NBEA: variants seen among roughly 807,000 people sequenced by gnomAD.
NBEA encodes the protein lysosomal-trafficking regulator 2.
Under a neutral mutation model 343.4 loss-of-function variants are expected in NBEA, and 44 were observed. That is an observed-to-expected ratio of 0.13 (90% CI 0.10 to 0.16). NBEA has a LOEUF of 0.16. Among genes scored for constraint, NBEA ranks in the 10% least tolerant of loss-of-function variants. NBEA has a pLI of 1.00. For synonymous variants in NBEA, 1,175 were observed against 1,238.7 expected (o/e 0.95, Z 1.08); for missense variants, 2,555 against 3,631.3 (o/e 0.70, Z 7.62).
chr13:35,609,018 G>C (rs2082398052), intron 48 of NBEA, among the ~76,000 whole-genome samples: 1 of 152,014 alleles, frequency 6.6e-6, no homozygotes, highest in Non-Finnish European at 1.5e-5. Context: ...TCTACTTTTA[G>C]GTTTATAATT....
At chr13:35,658,208 C>G (rs1375701339) in intron 55 of NBEA, among the ~76,000 whole-genome samples, 1 of 152,136 alleles carries the variant, frequency 6.6e-6, no homozygotes, top group African/African-American at 2.4e-5. Flanking sequence ...ACAAGATTAT[C>G]TTAAAGATAT....
intron 36 of NBEA, among the ~76,000 whole-genome samples, chr13:35,316,215 C>T (rs991704417): frequency 6.6e-6 from 1 of 152,004 alleles, no homozygotes; most frequent in Non-Finnish European, 1.5e-5. Flanking sequence ...CCCATCTACC[C>T]GTCATCCACA....
rs1304730085 is a variant in NBEA at position 35,070,062 on chromosome 13, A to G, written c.1394A>G (p.Asn465Ser). The G allele has an allele frequency of 6.2e-7, 1 of 1,601,226 alleles. No homozygotes were observed. Among genetic ancestry groups the G allele is most frequent in the Non-Finnish European group, 8.5e-7 (1 of 1,173,964 alleles). ...TGCCTGGAATCATCACCAAAAGAGA[A>G]TGCATCAATTTTTGTGCATTCCCCA... The part of the protein sequence containing the change: ...QLCLESSPKE[N>S]ASIFVHSPHA... Residue 465 changes from asparagine (N) to serine (S), a missense_variant, in exon 9 of 59, where the codon AAT (asparagine) becomes AGT (serine). Coordinates refer to ENST00000379939, the MANE Select transcript of NBEA (RefSeq NM_001385012.1).
At chr13:35,652,735 C>T (rs1290042949) in intron 53 of NBEA, among the ~76,000 whole-genome samples, 1 of 112,448 alleles carries the variant, frequency 8.9e-6, no homozygotes, top group African/African-American at 3.3e-5. Flanking sequence ...CGCTCTGTCG[C>T]CCAGGCTGGA....
chr13:35,263,400 A>G (rs2033382812), intron 34 of NBEA, among the ~76,000 whole-genome samples: 1 of 152,188 alleles, frequency 6.6e-6, no homozygotes. Flanking sequence ...ATAAGGAAAC[A>G]TTGGACTTAA....
chr13:35,474,299 G>T (rs1451600831), intron 41 of NBEA: 1 of 152,460 alleles, frequency 6.6e-6, no homozygotes, highest in Non-Finnish European at 1.5e-5. Flanking sequence ...TATTTCAAGT[G>T]CATTTTTCAA....
intron 53 of NBEA, among the ~76,000 whole-genome samples, chr13:35,652,500 G>C (rs2084581085): frequency 6.6e-6 from 1 of 150,550 alleles, no homozygotes; most frequent in Admixed American, 6.6e-5. Flanking sequence ...AATTAGCCAG[G>C]CGCGGTGGCG....
chr13:35,005,846 A>T lies in NBEA; in HGVS notation c.295-35087A>T, dbSNP rs1411979289. On this transcript the variant is annotated intron_variant, in intron 1 of 58. Transcript: ENST00000379939. ...TTTATACTTCCAGATATGTGTATGC[A>T]TAATTATTTTAGGCTTCCCTTTTTT... Among the ~76,000 whole-genome samples, 4 of 152,204 alleles carry T rather than the reference A, an allele frequency of 2.6e-5. No homozygotes were observed. The East Asian group carries it at 7.7e-4, about 29-fold the overall frequency.
chr13:35,329,622 A>T (rs1417711247), intron 36 of NBEA, among the ~76,000 whole-genome samples: 2 of 152,048 alleles, frequency 1.3e-5, no homozygotes, highest in African/African-American at 4.8e-5. Flanking sequence ...CATTTATGTG[A>T]CATTCTATAA....
intron 38 of NBEA, among the ~76,000 whole-genome samples, chr13:35,406,963 CTTT>C (rs551559932): frequency 2.9e-5 from 4 of 136,734 alleles, no homozygotes; most frequent in Non-Finnish European, 3.2e-5. Context: ...TTTCTTTGCT[CTTT>C]TTTTTTTTTT....
intron 45 of NBEA, among the ~76,000 whole-genome samples, chr13:35,581,339 T>G (rs1332530164): frequency 1.3e-5 from 2 of 152,092 alleles, no homozygotes; most frequent in Admixed American, 1.3e-4. Context: ...TGGTATCTCA[T>G]TGCGGTTTTG....
intron 13 of NBEA, among the ~76,000 whole-genome samples, chr13:35,113,461 GTTTTA>G (rs981267374): frequency 9.9e-5 from 15 of 152,038 alleles, no homozygotes; most frequent in African/African-American, 3.1e-4. Context: ...TCACCTACTT[GTTTTA>G]GTTTGTTGAT....
rs1307904651 is a variant in NBEA, at chr13:35,316,697, G to A, written c.5903+7105G>A. The stretch of plus-strand genomic sequence containing the variant: ...AGGAATTGCCACACTGTCTTCCACA[G>A]TGGTCAAACTAATTTACACTCCCAC... On this transcript the variant is annotated intron_variant, in intron 36 of 58. Coordinates refer to ENST00000379939, the MANE Select transcript of NBEA (RefSeq NM_001385012.1). Among the ~76,000 whole-genome samples the A allele has an allele frequency of 2.6e-5, 4 of 152,070 alleles. No homozygotes were observed. The East Asian group carries it at 7.7e-4, about 29-fold the overall frequency.
chr13:34,986,286 T>G (rs2060543392), intron 1 of NBEA, among the ~76,000 whole-genome samples: 1 of 151,006 alleles, frequency 6.6e-6, no homozygotes, highest in Non-Finnish European at 1.5e-5. Flanking sequence ...CTTCATTTCA[T>G]TTTGTATCCA....
At chr13:35,021,752 A>G (rs903173455) in intron 1 of NBEA, among the ~76,000 whole-genome samples, 1 of 151,574 alleles carries the variant, frequency 6.6e-6, no homozygotes, top group Non-Finnish European at 1.5e-5. Flanking sequence ...GTACACATAT[A>G]TTTCTCCCGC....
At chr13:35,165,109 T>A (rs763440638) in intron 24 of NBEA, 3 of 533,982 alleles carry the variant, frequency 5.6e-6, no homozygotes, top group Non-Finnish European at 7.7e-6. Context: ...TGTTGCCGTA[T>A]TAGAAACTCA....
chr13:35,159,403 C>T lies in NBEA; in HGVS notation c.3232C>T (p.Pro1078Ser). The change falls in exon 22 of 59, where the codon CCG (proline) becomes TCG (serine). Residue 1078 changes from proline (P) to serine (S), a missense_variant. Pro to Ser is a moderately conservative substitution (Grantham distance 74, BLOSUM62 -1). This residue lies in a region of NBEA where 367 missense variants were observed against 377.5 expected (regional missense o/e 0.97). Coordinates refer to ENST00000379939, the MANE Select transcript of NBEA (RefSeq NM_001385012.1). ...AAAGCTCGATGATATGGATTTATCA[C>T]CGGAGACTTTAGTAGGTGGAGAGAA... ...EVKLDDMDLS[P>S]ETLVGGENGA... 3.1e-6 allele frequency: 5 copies of T among 1,613,274 alleles called. No individual in the cohort carries two copies. Among genetic ancestry groups the T allele is most frequent in the Non-Finnish European group, 4.2e-6 (5 of 1,179,636 alleles).
intron 31 of NBEA, among the ~76,000 whole-genome samples, chr13:35,205,370 A>G (rs542534288): frequency 7.9e-5 from 12 of 152,292 alleles, no homozygotes; most frequent in African/African-American, 1.4e-4. Context: ...CATAAAAATT[A>G]TCAGAGATTT....
chr13:35,613,485 A>G (rs560556651), intron 48 of NBEA, among the ~76,000 whole-genome samples: 1 of 152,256 alleles, frequency 6.6e-6, no homozygotes, highest in Non-Finnish European at 1.5e-5. Flanking sequence ...TATCCTGGCT[A>G]TTATGAATAA....
Sources: allele counts gnomAD v4.1 joint callset (sites outside exome capture counted in the v4.1 genomes callset), GRCh38; gene constraint gnomAD v4.1.1; regional missense constraint gnomAD v4.1.1; transcripts MANE v1.5; gene names NCBI Gene and HGNC (gene_info 2026-07-23, HGNC 2026-07-21).